POLR3K: variants seen among roughly 807,000 people sequenced by gnomAD.
The protein encoded by POLR3K is RNA polymerase III subunit K, also known as DNA-directed RNA polymerase III subunit RPC10.
A neutral mutation model predicts 13.5 loss-of-function variants in POLR3K; 11 were observed. That is an observed-to-expected ratio of 0.81 (90% confidence interval 0.51 to 1.35). POLR3K has a LOEUF of 1.35. Among genes scored for constraint, POLR3K ranks in the 40% most tolerant of loss-of-function variants. POLR3K has a pLI of 0.00. For synonymous variants in POLR3K, 56 were observed against 51.5 expected (o/e 1.09, Z -0.38); for missense variants, 144 against 145.3 (o/e 0.99, Z 0.05).
chr16:51,312 G>T (rs970807719), intron 2 of POLR3K, among the ~76,000 whole-genome samples: 1 of 151,416 alleles, frequency 6.6e-6, no homozygotes, highest in Non-Finnish European at 1.5e-5. Flanking sequence ...CCCAAGGAAG[G>T]TCCTACAACA....
rs368120637 is a variant in POLR3K at position 53,537 on chromosome 16, C to G, written c.50G>C (p.Gly17Ala). ...GCAGGCGAAGCGGTGGCAGCGTTGTCCCTCCTCCACGATCAGCCCGTTCCC... is the reference window on the plus strand; with the variant it reads ...GCAGGCGAAGCGGTGGCAGCGTTGTGCCTCCTCCACGATCAGCCCGTTCCC... ...GCGNGLIVEE[G>A]QRCHRFACNT... Residue 17 changes from glycine to alanine, a missense_variant, in exon 1 of 3, where the codon GGA (glycine) becomes GCA (alanine). Gly to Ala is a moderately conservative substitution (Grantham distance 60). Transcript: ENST00000293860. 6.2e-7 allele frequency: 1 copy of G among 1,613,274 alleles called. No individual in the cohort carries two copies. The highest frequency in any genetic ancestry group is 8.5e-7 in the Non-Finnish European group (1 of 1,179,790).
chr16:50,344 C>T (rs1384520518), intron 2 of POLR3K, among the ~76,000 whole-genome samples: 2 of 152,136 alleles, frequency 1.3e-5, no homozygotes, highest in African/African-American at 4.8e-5. Context: ...TTTACGTCTT[C>T]CCCTTTCCTC....
intron 2 of POLR3K, among the ~76,000 whole-genome samples, chr16:48,697 G>C (rs1897304945): frequency 6.6e-6 from 1 of 151,780 alleles, no homozygotes; most frequent in Non-Finnish European, 1.5e-5. Flanking sequence ...TGCAGTCCCA[G>C]CTACTCGGGA....
intron 2 of POLR3K, among the ~76,000 whole-genome samples, chr16:49,604 G>C (rs1245533323): frequency 6.6e-6 from 1 of 151,256 alleles, no homozygotes; most frequent in Non-Finnish European, 1.5e-5. Context: ...TGAGTAGCTA[G>C]GACTACAGGC....
intron 2 of POLR3K, among the ~76,000 whole-genome samples, chr16:48,249 G>A (rs1195102964): frequency 6.6e-6 from 1 of 151,970 alleles, no homozygotes; most frequent in Non-Finnish European, 1.5e-5. Context: ...CCCTTGACAA[G>A]GGTAGATCTA....
rs1198478115 is a variant in POLR3K, at chr16:47,241, T to G, written c.*189A>C. ...CCCCACACAGAAAAACTCCCAGACA[T>G]TCATGACTTCATCCACCCTGCCTGG... On this transcript the variant is annotated 3_prime_UTR_variant, in exon 3 of 3. Coordinates refer to ENST00000293860, the MANE Select transcript of POLR3K (RefSeq NM_016310.5). 1.7e-6 allele frequency: 1 copy of G among 586,044 alleles called. No homozygotes were observed. The highest frequency in any genetic ancestry group is 2.7e-6 in the Non-Finnish European group (1 of 369,708). The allele number at this position is 586,044 out of a possible 1,614,324, so 36.3% of individuals were successfully genotyped here.
At chr16:48,160 G>C (rs1375503198) in intron 2 of POLR3K, among the ~76,000 whole-genome samples, 1 of 151,762 alleles carries the variant, frequency 6.6e-6, no homozygotes, top group Non-Finnish European at 1.5e-5. Flanking sequence ...AAAGTGCTGG[G>C]ATTACAGGCA....
At position 46,595 on chromosome 16, in the gene POLR3K, A is replaced by G. The variant is rs967614413; in HGVS notation, c.*835T>C. The G allele has an allele frequency of 6.6e-6, 1 of 152,030 alleles. No individual in the cohort carries two copies. Among genetic ancestry groups the G allele is most frequent in the African/African-American group, 2.4e-5 (1 of 41,370 alleles). 9.4% of individuals were successfully genotyped at this position (152,030 alleles called of 1,614,324 possible). On this transcript the variant is annotated 3_prime_UTR_variant, in exon 3 of 3. Coordinates refer to ENST00000293860, the MANE Select transcript of POLR3K (RefSeq NM_016310.5). ...CAAAATTACCCAGGTGTGGTGGTGC[A>G]TGCCTGTAGTCCCAGCTGCTTGGGA...
Sources: gnomAD v4.1 joint callset for allele counts (sites outside exome capture counted in the v4.1 genomes callset) on GRCh38, gnomAD v4.1.1 for gene constraint, MANE v1.5 for transcripts, NCBI Gene and HGNC (gene_info 2026-07-23, HGNC 2026-07-21) for gene names.